SDK1: variants seen among roughly 807,000 people sequenced by gnomAD.
The protein encoded by SDK1 is protein sidekick-1.
In SDK1, 157 loss-of-function variants were observed where a neutral mutation model predicts 245.5. The observed-to-expected ratio is 0.64, with a 90% CI of 0.56 to 0.73. The LOEUF is 0.73. SDK1 is among the 30% of genes least tolerant of loss of function. SDK1 has a pLI of 0.00. For missense variants in SDK1, 3,583 were observed against 3,002.3 expected (o/e 1.19, Z -4.52); for synonymous variants, 1,647 against 1,278.5 (o/e 1.29, Z -6.15).
chr7:3,410,067 T>C (rs1173003363), intron 1 of SDK1, among the ~76,000 whole-genome samples: 2 of 152,172 alleles, frequency 1.3e-5, no homozygotes, highest in Non-Finnish European at 2.9e-5. Flanking sequence ...TGAATTGATA[T>C]ATATAAAGTC....
chr7:3,564,807 C>T (rs866383617), intron 1 of SDK1, among the ~76,000 whole-genome samples: 7 of 151,892 alleles, frequency 4.6e-5, no homozygotes, highest in African/African-American at 1.7e-4. Flanking sequence ...ATGAACTAAT[C>T]CAGAAAACAG....
chr7:4,206,054 G>C (rs996003527), intron 36 of SDK1, 60 bp downstream of exon 36: 3 of 1,136,946 alleles, frequency 2.6e-6, no homozygotes, highest in Non-Finnish European at 3.7e-6. Context: ...CGTTCACGTG[G>C]TCCTGCCTAC....
In SDK1 at chr7:3,742,207, G is replaced by A. The variant is rs184168689; in HGVS notation, c.714-79243G>A. Among the ~76,000 whole-genome samples, 140 of 150,726 alleles carry A rather than the reference G, an allele frequency of 9.3e-4. 1 individual carries two copies. Among genetic ancestry groups the A allele is most frequent in the African/African-American group, 3.3e-3 (137 of 41,010 alleles). ...CCTCCCCAATGTTTTCCGTATCTCT[G>A]GCAAAGTTCATGACATAAAGGGCTG... On this transcript the variant is annotated intron_variant, in intron 4 of 44. Transcript: ENST00000404826.
intron 4 of SDK1, among the ~76,000 whole-genome samples, chr7:3,753,048 A>C (rs144048109): frequency 2.4e-4 from 36 of 152,320 alleles, no homozygotes; most frequent in African/African-American, 8.2e-4. Context: ...AATCACAGGA[A>C]GGCACTGAGA....
Position 4,032,649 on chromosome 7 carries a change from A to G in SDK1, c.2602+15297A>G, listed in dbSNP as rs568381811. Among the ~76,000 whole-genome samples, 3 of 152,396 alleles carry G rather than the reference A, an allele frequency of 2.0e-5. No homozygotes were observed. The East Asian group carries it at 5.8e-4, about 29-fold the overall frequency. ...CTAGCAAGCTATAAAATCAGCATGA[A>G]AAAACAAACCGACTTCATATGCACA... is the stretch of plus-strand genomic sequence containing the variant. On this transcript the variant is annotated intron_variant, in intron 17 of 44. Transcript: ENST00000404826.
chr7:4,076,984 CT>C lies in SDK1; in HGVS notation c.3011-13del, dbSNP rs1562774316. On this transcript the variant is annotated splice_polypyrimidine_tract_variant and intron_variant, in intron 20 of 44. Transcript: ENST00000404826. ...TCAGGAGACCAACACTGGTCTGGTC[CT>C]GTTGCTTTCTAGGCTATCAGATCTC... is the stretch of plus-strand genomic sequence containing the variant. 1 of 1,612,484 alleles carries C rather than the reference CT, an allele frequency of 6.2e-7. No homozygotes were observed. The highest frequency in any genetic ancestry group is 2.2e-5 in the East Asian group (1 of 44,866).
intron 1 of SDK1, among the ~76,000 whole-genome samples, chr7:3,614,763 A>C (rs1451632499): frequency 6.6e-6 from 1 of 152,174 alleles, no homozygotes; most frequent in African/African-American, 2.4e-5. Flanking sequence ...TTATGATTTT[A>C]ATTTGAACGC....
chr7:3,322,189 C>G (rs995627613), intron 1 of SDK1, among the ~76,000 whole-genome samples: 2 of 152,078 alleles, frequency 1.3e-5, no homozygotes, highest in African/African-American at 4.8e-5. Context: ...TGACCATCCA[C>G]CCGTGTTCTG....
chr7:4,254,467 T>A (rs1787509220), intron 44 of SDK1, among the ~76,000 whole-genome samples: 1 of 152,188 alleles, frequency 6.6e-6, no homozygotes, highest in East Asian at 1.9e-4. Flanking sequence ...CCATTTGTGT[T>A]TTTAAAATAA....
intron 5 of SDK1, among the ~76,000 whole-genome samples, chr7:3,923,095 T>C (rs1779650529): frequency 6.6e-6 from 1 of 152,220 alleles, no homozygotes; most frequent in African/African-American, 2.4e-5. Context: ...AAAGTAGTCT[T>C]TTCTGATCTC....
chr7:3,344,122 C>G (rs964214475), intron 1 of SDK1, among the ~76,000 whole-genome samples: 1 of 151,586 alleles, frequency 6.6e-6, no homozygotes, highest in African/African-American at 2.4e-5. Context: ...CCTATGGACA[C>G]AGTGAAAACT....
chr7:3,917,181 G>A (rs780449024), intron 5 of SDK1, among the ~76,000 whole-genome samples: 7 of 152,148 alleles, frequency 4.6e-5, no homozygotes, highest in Non-Finnish European at 8.8e-5. Flanking sequence ...GCTTATTTTT[G>A]TCACTAAATA....
intron 5 of SDK1, among the ~76,000 whole-genome samples, chr7:3,945,927 A>AAAAAAAG: frequency 7.0e-6 from 1 of 143,672 alleles, no homozygotes; most frequent in Non-Finnish European, 1.5e-5. Context: ...AAAAAAAAAA[A>AAAAAAAG]AAAAAAGATA....
chr7:3,541,927 A>T (rs1022346544), intron 1 of SDK1, among the ~76,000 whole-genome samples: 1 of 152,220 alleles, frequency 6.6e-6, no homozygotes, highest in African/African-American at 2.4e-5. Flanking sequence ...AAGAAGGACT[A>T]GATATGTCCG....
At chr7:3,442,184 G>C (rs1246824135) in intron 1 of SDK1, among the ~76,000 whole-genome samples, 1 of 152,200 alleles carries the variant, frequency 6.6e-6, no homozygotes, top group African/African-American at 2.4e-5. Context: ...CCTAATTCTA[G>C]TTATGAAGGA....
intron 9 of SDK1, among the ~76,000 whole-genome samples, chr7:3,966,405 G>A (rs1188718082): frequency 2.6e-5 from 4 of 152,072 alleles, no homozygotes; most frequent in African/African-American, 4.8e-5. Flanking sequence ...GGGGGGTTCC[G>A]GTTAATCGTT....
At chr7:3,647,519 AG>A (rs1278478620) in intron 4 of SDK1, among the ~76,000 whole-genome samples, 1 of 152,176 alleles carries the variant, frequency 6.6e-6, no homozygotes, top group Non-Finnish European at 1.5e-5. Flanking sequence ...CTCCAACTCC[AG>A]GGCTCAAATG....
At chr7:3,753,162 G>C (rs1779822289) in intron 4 of SDK1, among the ~76,000 whole-genome samples, 1 of 152,128 alleles carries the variant, frequency 6.6e-6, no homozygotes, top group Admixed American at 6.5e-5. Context: ...TCATTAATAA[G>C]CTAGTTATGA....
intron 1 of SDK1, among the ~76,000 whole-genome samples, chr7:3,444,304 A>G (rs968003266): frequency 5.9e-5 from 9 of 152,078 alleles, no homozygotes; most frequent in African/African-American, 2.2e-4. Flanking sequence ...CTCCACTTGG[A>G]TGTCTACCAG....
Sources: allele counts gnomAD v4.1 joint callset (sites outside exome capture counted in the v4.1 genomes callset), GRCh38; gene constraint gnomAD v4.1.1; transcripts MANE v1.5; gene names NCBI Gene and HGNC (gene_info 2026-07-23, HGNC 2026-07-21).